The following RALYL variants were observed in gnomAD, a reference collection of about 807,000 sequenced individuals.
RALYL encodes RNA-binding Raly-like protein.
In RALYL, 29 loss-of-function variants were observed where a neutral mutation model predicts 35.1. The observed-to-expected ratio is 0.83, with a 90% CI of 0.61 to 1.13. The LOEUF is 1.13. Ranked by LOEUF, RALYL falls within the 50% of genes most tolerant of loss-of-function variation. The probability of loss-of-function intolerance (pLI) is 0.00; values close to 1 mark genes in which losing one functional copy is unlikely to be tolerated. For synonymous variants in RALYL, 120 were observed against 127.6 expected, an observed-to-expected ratio of 0.94 and a Z score of 0.40; for missense variants, 359 against 360.4, an observed-to-expected ratio of 1.00 and a Z score of 0.03.
At chr8:84,250,435 A>T (rs1829961923) in intron 1 of RALYL, among the ~76,000 whole-genome samples, 2 of 151,826 alleles carry the variant, frequency 1.3e-5, no homozygotes, top group African/African-American at 2.4e-5. Context: ...GCATGATCTC[A>T]GCTCACTGCA....
chr8:84,713,020 CA>C (rs1842430454), intron 2 of RALYL, among the ~76,000 whole-genome samples: 1 of 151,960 alleles, frequency 6.6e-6, no homozygotes, highest in African/African-American at 2.4e-5. Flanking sequence ...GGGACATATC[CA>C]AAAAGTTTTG....
chr8:84,311,183 C>T (rs1381297541), intron 1 of RALYL, among the ~76,000 whole-genome samples: 1 of 137,648 alleles, frequency 7.3e-6, no homozygotes, highest in Non-Finnish European at 1.5e-5. Context: ...AACTCCTAAA[C>T]TAAAATTATG....
chr8:84,431,425 A>G (rs757131897), intron 1 of RALYL, among the ~76,000 whole-genome samples: 11 of 152,126 alleles, frequency 7.2e-5, no homozygotes, highest in Non-Finnish European at 1.0e-4. Context: ...GGGAAACGCA[A>G]ATGAAACTAC....
At chr8:84,702,436 C>G (rs1589100191) in intron 2 of RALYL, among the ~76,000 whole-genome samples, 2 of 152,132 alleles carry the variant, frequency 1.3e-5, no homozygotes, top group African/African-American at 4.8e-5. Flanking sequence ...TAAAGTTTCC[C>G]CATTTTCAAA....
chr8:84,842,540 C>G (rs1833660810), intron 4 of RALYL, among the ~76,000 whole-genome samples: 3 of 152,142 alleles, frequency 2.0e-5, no homozygotes, highest in Admixed American at 1.3e-4. Context: ...ACCAGAGGTA[C>G]AAGGAGGAGC....
At chr8:84,341,993 A>G (rs1848872227) in intron 1 of RALYL, among the ~76,000 whole-genome samples, 1 of 151,824 alleles carries the variant, frequency 6.6e-6, no homozygotes, top group Non-Finnish European at 1.5e-5. Flanking sequence ...AGGATAGCCC[A>G]TAGTAAAGAT....
At chr8:84,276,375 G>A (rs1007224183) in intron 1 of RALYL, among the ~76,000 whole-genome samples, 1 of 152,050 alleles carries the variant, frequency 6.6e-6, no homozygotes, top group Non-Finnish European at 1.5e-5. Context: ...CAGCAAATGG[G>A]ATTTCCCTCC....
At chr8:84,665,940 A>G (rs575485612) in intron 2 of RALYL, 2 of 152,166 alleles carry the variant, frequency 1.3e-5, no homozygotes, top group African/African-American at 4.8e-5. Flanking sequence ...ATCATAGTAA[A>G]AAAAATCTGT....
At chr8:84,919,278 C>A (rs570924274) in intron 8 of RALYL, among the ~76,000 whole-genome samples, 33 of 152,156 alleles carry the variant, frequency 2.2e-4, no homozygotes, top group Non-Finnish European at 3.8e-4. Context: ...CAAGTGGTAT[C>A]TATCAAAATT....
intron 1 of RALYL, among the ~76,000 whole-genome samples, chr8:84,217,480 A>G (rs1435277311): frequency 1.3e-5 from 2 of 152,094 alleles, no homozygotes; most frequent in Non-Finnish European, 2.9e-5. Context: ...TAGCCGTCAG[A>G]AGAGGATGAC....
intron 4 of RALYL, among the ~76,000 whole-genome samples, chr8:84,834,424 A>T (rs2134439331): frequency 6.6e-6 from 1 of 152,304 alleles, no homozygotes; most frequent in African/African-American, 2.4e-5. Context: ...GTCTATGAGG[A>T]TGTTAGTGGA....
intron 1 of RALYL, among the ~76,000 whole-genome samples, chr8:84,339,979 G>A (rs1848499140): frequency 6.6e-6 from 1 of 152,034 alleles, no homozygotes; most frequent in African/African-American, 2.4e-5. Flanking sequence ...TTAATCATGG[G>A]GATGGGTTTT....
At chr8:84,209,206 G>A (rs545895759) in intron 1 of RALYL, among the ~76,000 whole-genome samples, 1 of 149,356 alleles carries the variant, frequency 6.7e-6, no homozygotes, top group South Asian at 2.1e-4. Flanking sequence ...AGGAGGTATT[G>A]TCTTGCTGAT....
chr8:84,223,079 CTGCCTTTCCTTTCCT>C (rs761638959), intron 1 of RALYL, among the ~76,000 whole-genome samples: 8,503 of 132,570 alleles, frequency 0.064, 711 homozygotes, highest in African/African-American at 0.07. Context: ...TCCCTTTGCC[CTGCCTTTCCTTTCCT>C]TTCCTTTCCT....
At chr8:84,810,054 A>G (rs1347077515) in intron 4 of RALYL, among the ~76,000 whole-genome samples, 1 of 151,774 alleles carries the variant, frequency 6.6e-6, no homozygotes, top group East Asian at 1.9e-4. Context: ...TTGTTTCTCT[A>G]GTTCCTTGAG....
chr8:84,406,051 A>G (rs2043454448), intron 1 of RALYL, among the ~76,000 whole-genome samples: 1 of 148,120 alleles, frequency 6.8e-6, no homozygotes, highest in African/African-American at 2.5e-5. Flanking sequence ...GTACCATTTC[A>G]TACCTAAAGT....
intron 1 of RALYL, among the ~76,000 whole-genome samples, chr8:84,464,593 A>G (rs1276865267): frequency 1.3e-5 from 2 of 150,266 alleles, no homozygotes; most frequent in Admixed American, 6.6e-5. Flanking sequence ...TAATGCCGCA[A>G]TAAACATACG....
intron 2 of RALYL, among the ~76,000 whole-genome samples, chr8:84,537,220 A>C (rs1484382993): frequency 6.6e-6 from 1 of 151,236 alleles, no homozygotes; most frequent in Non-Finnish European, 1.5e-5. Flanking sequence ...CTATAATCTC[A>C]GCACTTTGAG....
chr8:84,427,826 A>G (rs896299582), intron 1 of RALYL, among the ~76,000 whole-genome samples: 2 of 152,100 alleles, frequency 1.3e-5, no homozygotes, highest in Non-Finnish European at 2.9e-5. Flanking sequence ...TCTTGTAATT[A>G]TCTCTCTCTC....
Sources: gnomAD v4.1 joint callset for allele counts (sites outside exome capture counted in the v4.1 genomes callset) on GRCh38, gnomAD v4.1.1 for gene constraint, MANE v1.5 for transcripts, NCBI Gene and HGNC (gene_info 2026-07-23, HGNC 2026-07-21) for gene names.